The following EGFLAM variants were observed in gnomAD, a reference collection of about 807,000 sequenced individuals.
The protein encoded by EGFLAM is pikachurin.
EGFLAM carries 79 observed loss-of-function variants against 113.1 expected under a neutral mutation model. The ratio of observed to expected loss-of-function variants is 0.70; its 90% CI spans 0.58 to 0.84. The LOEUF (loss-of-function observed/expected upper bound fraction) is 0.84. Among genes scored for constraint, EGFLAM ranks in the 40% least tolerant of loss-of-function variants. The pLI is 0.00. For missense variants in EGFLAM, 1,265 were observed against 1,291.6 expected, an observed-to-expected ratio of 0.98 and a Z score of 0.32; for synonymous variants, 504 against 487.6, an observed-to-expected ratio of 1.03 and a Z score of -0.44.
At chr5:38,302,709 C>CAAAA (rs56012054) in intron 1 of EGFLAM, among the ~76,000 whole-genome samples, 3 of 115,446 alleles carry the variant, frequency 2.6e-5, no homozygotes, top group Non-Finnish European at 3.8e-5. Context: ...GTCTGAGAAT[C>CAAAA]AAAAAAAAAA....
chr5:38,350,881 T>A (rs1192335196), intron 4 of EGFLAM, among the ~76,000 whole-genome samples: 1 of 152,066 alleles, frequency 6.6e-6, no homozygotes, highest in Non-Finnish European at 1.5e-5. Flanking sequence ...AGGGAAGAAT[T>A]CCCTGAAGAG....
chr5:38,335,864 C>T (rs1482103959), intron 1 of EGFLAM, among the ~76,000 whole-genome samples: 1 of 152,110 alleles, frequency 6.6e-6, no homozygotes, highest in Non-Finnish European at 1.5e-5. Flanking sequence ...GCAAAGTATC[C>T]TAACTGATAT....
At chr5:38,356,948 C>T (rs762424705) in intron 5 of EGFLAM, among the ~76,000 whole-genome samples, 3 of 152,072 alleles carry the variant, frequency 2.0e-5, no homozygotes, top group Admixed American at 6.5e-5. Flanking sequence ...GTCTTTGGAA[C>T]GTGGTTAGGT....
intron 1 of EGFLAM, among the ~76,000 whole-genome samples, chr5:38,295,358 T>C (rs1019611667): frequency 6.6e-6 from 1 of 152,218 alleles, no homozygotes; most frequent in African/African-American, 2.4e-5. Context: ...TTTGCAGTAG[T>C]AGTCAAGACA....
chr5:38,304,589 A>C (rs1395563378), intron 1 of EGFLAM, among the ~76,000 whole-genome samples: 1 of 152,224 alleles, frequency 6.6e-6, no homozygotes, highest in South Asian at 2.1e-4. Context: ...AATGATATTG[A>C]TATTGAAAAC....
intron 19 of EGFLAM, 37 bp downstream of exon 19, chr5:38,451,495 C>A (rs371035066): frequency 3.7e-6 from 6 of 1,601,688 alleles, no homozygotes; most frequent in Non-Finnish European, 3.4e-6. Context: ...CAGCACCTTG[C>A]GATTTTCTCA....
chr5:38,331,573 T>C (rs1739043575), intron 1 of EGFLAM, among the ~76,000 whole-genome samples: 1 of 152,178 alleles, frequency 6.6e-6, no homozygotes, highest in African/African-American at 2.4e-5. Context: ...ATTGAGACTA[T>C]GGATGAGGCT....
At chr5:38,380,465 A>G (rs1406523072) in intron 6 of EGFLAM, among the ~76,000 whole-genome samples, 7 of 152,234 alleles carry the variant, frequency 4.6e-5, no homozygotes, top group Non-Finnish European at 8.8e-5. Flanking sequence ...CAAACTGAGG[A>G]AGAGGTTCCT....
At chr5:38,273,633 G>A (rs775187853) in intron 1 of EGFLAM, among the ~76,000 whole-genome samples, 12 of 152,212 alleles carry the variant, frequency 7.9e-5, no homozygotes, top group Non-Finnish European at 5.9e-5. Flanking sequence ...GGCTTAGAGG[G>A]CCCCCACGCA....
intron 1 of EGFLAM, among the ~76,000 whole-genome samples, chr5:38,272,758 A>G (rs10529738): frequency 2.0e-5 from 3 of 150,632 alleles, no homozygotes; most frequent in South Asian, 2.1e-4. Flanking sequence ...AGGTGTGTGT[A>G]TGTGTGTGTG....
intron 9 of EGFLAM, among the ~76,000 whole-genome samples, chr5:38,408,283 C>T (rs933513144): frequency 6.6e-6 from 1 of 152,250 alleles, no homozygotes; most frequent in African/African-American, 2.4e-5. Flanking sequence ...AATTCTCTGT[C>T]TTCATTGTGA....
At chr5:38,414,592 G>A (rs183409095) in intron 11 of EGFLAM, among the ~76,000 whole-genome samples, 16 of 152,262 alleles carry the variant, frequency 1.1e-4, no homozygotes, top group African/African-American at 3.6e-4. Context: ...CTAATCCTCC[G>A]AGAGGATTAC....
intron 6 of EGFLAM, among the ~76,000 whole-genome samples, chr5:38,391,384 T>TTGTGTGTGTGTGTGTGTG (rs758900897): frequency 2.0e-5 from 2 of 97,962 alleles, no homozygotes; most frequent in African/African-American, 7.3e-5. Flanking sequence ...TTTCTTTTCT[T>TTGTGTGTGTGTGTGTGTG]TGTGTGTGTG....
chr5:38,331,576 A>G, intron 1 of EGFLAM, among the ~76,000 whole-genome samples: 1 of 152,114 alleles, frequency 6.6e-6, no homozygotes, highest in Non-Finnish European at 1.5e-5. Flanking sequence ...GAGACTATGG[A>G]TGAGGCTGTG....
At chr5:38,307,049 TG>T (rs1758738203) in intron 1 of EGFLAM, among the ~76,000 whole-genome samples, 5 of 152,204 alleles carry the variant, frequency 3.3e-5, no homozygotes, top group African/African-American at 1.2e-4. Flanking sequence ...ATCTTGGAAG[TG>T]GATCCTCCAG....
intron 3 of EGFLAM, among the ~76,000 whole-genome samples, chr5:38,347,469 G>C (rs1190786952): frequency 6.6e-6 from 1 of 152,168 alleles, no homozygotes; most frequent in African/African-American, 2.4e-5. Context: ...GGGCAGCCTA[G>C]AGGAGGGGCA....
rs538363243 is a variant in EGFLAM, at chr5:38,370,240, C to T, written c.546-56C>T. The T allele has an allele frequency of 1.0e-3, 1,607 of 1,569,940 alleles. 27 individuals are homozygous for T. The South Asian group carries it at 0.017, about 17-fold the overall frequency. On this transcript the variant is annotated intron_variant, in intron 5 of 21. Coordinates refer to ENST00000322350, the MANE Select transcript of EGFLAM (RefSeq NM_152403.4). ...ATTAGTTTACATAGCCAGCTAGCTTCCCTTCCCTCTGGTATTTCTGAACTA... is the reference window on the plus strand; with the variant it reads ...ATTAGTTTACATAGCCAGCTAGCTTTCCTTCCCTCTGGTATTTCTGAACTA...
chr5:38,422,651 A>G (rs1447605519), intron 12 of EGFLAM, among the ~76,000 whole-genome samples: 1 of 152,240 alleles, frequency 6.6e-6, no homozygotes, highest in Non-Finnish European at 1.5e-5. Context: ...TAAGAACAGA[A>G]TTATTTAATG....
intron 1 of EGFLAM, among the ~76,000 whole-genome samples, chr5:38,310,427 T>A (rs1207651413): frequency 6.6e-6 from 1 of 152,202 alleles, no homozygotes; most frequent in African/African-American, 2.4e-5. Context: ...GAGTTCTACA[T>A]ATGCACTTGT....
Sources: allele counts gnomAD v4.1 joint callset (sites outside exome capture counted in the v4.1 genomes callset), GRCh38; gene constraint gnomAD v4.1.1; transcripts MANE v1.5; gene names NCBI Gene and HGNC (gene_info 2026-07-23, HGNC 2026-07-21).